The following DNM3 variants were observed in gnomAD, a reference collection of about 807,000 sequenced individuals.
The protein encoded by DNM3 is dynamin-3.
Under a neutral mutation model 101.6 loss-of-function variants are expected in DNM3, and 47 were observed. The ratio of observed to expected loss-of-function variants is 0.46; its 90% CI spans 0.37 to 0.59. The LOEUF is 0.59. DNM3 is among the 20% of genes least tolerant of loss of function. The pLI, the probability that DNM3 is intolerant of heterozygous loss-of-function variation, is 0.00. For missense variants in DNM3, 849 were observed against 1,085.7 expected (o/e 0.78, Z 3.06); for synonymous variants, 385 against 387.9 (o/e 0.99, Z 0.09).
chr1:172,227,866 T>A (rs78941801), intron 14 of DNM3, among the ~76,000 whole-genome samples: 6 of 152,158 alleles, frequency 3.9e-5, no homozygotes, highest in Non-Finnish European at 7.4e-5. Context: ...ATAGTGGATA[T>A]TATTAGTCTA....
intron 1 of DNM3, among the ~76,000 whole-genome samples, chr1:171,909,504 G>A (rs1002287829): frequency 2.0e-5 from 3 of 151,650 alleles, no homozygotes; most frequent in Non-Finnish European, 2.9e-5. Context: ...GGCATCAGAA[G>A]ACACTCTTTA....
chr1:172,232,100 G>T (rs1301583063), intron 14 of DNM3, among the ~76,000 whole-genome samples: 1 of 152,074 alleles, frequency 6.6e-6, no homozygotes, highest in Non-Finnish European at 1.5e-5. Context: ...CTGGCAAATT[G>T]GATAAAGAGT....
intron 14 of DNM3, among the ~76,000 whole-genome samples, chr1:172,231,636 A>G (rs911054657): frequency 4.6e-5 from 7 of 152,206 alleles, no homozygotes; most frequent in African/African-American, 7.2e-5. Flanking sequence ...TCAGATGATC[A>G]AACTTCTGCG....
intron 17 of DNM3, among the ~76,000 whole-genome samples, chr1:172,350,279 A>G (rs533150662): frequency 4.1e-4 from 62 of 151,838 alleles, no homozygotes; most frequent in African/African-American, 1.4e-3. Flanking sequence ...ATAACATTGC[A>G]AAGTTGCTCA....
intron 14 of DNM3, among the ~76,000 whole-genome samples, chr1:172,195,470 G>T (rs1304314716): frequency 6.6e-6 from 1 of 151,792 alleles, no homozygotes; most frequent in East Asian, 1.9e-4. Context: ...TTGAATGGGA[G>T]TTGTGAGAGG....
At chr1:172,060,055 GACAA>G (rs2051038472) in intron 10 of DNM3, among the ~76,000 whole-genome samples, 1 of 151,990 alleles carries the variant, frequency 6.6e-6, no homozygotes, top group Non-Finnish European at 1.5e-5. Context: ...ACCAACAATC[GACAA>G]ACAGAGAGCT....
intron 1 of DNM3, among the ~76,000 whole-genome samples, chr1:171,885,967 G>C (rs1214636209): frequency 1.3e-5 from 2 of 152,102 alleles, no homozygotes; most frequent in Admixed American, 6.6e-5. Context: ...AGATGTTGAC[G>C]GGCCTTAGGC....
intron 2 of DNM3, among the ~76,000 whole-genome samples, chr1:171,966,569 G>T (rs370659759): frequency 6.6e-6 from 1 of 152,210 alleles, no homozygotes; most frequent in South Asian, 2.1e-4. Flanking sequence ...CATCGACCCA[G>T]GGTATTCTCC....
At chr1:172,373,822 T>C (rs2068472624) in intron 17 of DNM3, among the ~76,000 whole-genome samples, 1 of 152,090 alleles carries the variant, frequency 6.6e-6, no homozygotes, top group Non-Finnish European at 1.5e-5. Context: ...ACTCCAAGAA[T>C]ATAGATCTTT....
chr1:172,353,786 A>T (rs2067300604), intron 17 of DNM3, among the ~76,000 whole-genome samples: 1 of 152,196 alleles, frequency 6.6e-6, no homozygotes, highest in African/African-American at 2.4e-5. Flanking sequence ...GTTCAAAACA[A>T]ACTATATAAG....
rs2071172004 is a variant in DNM3, at chr1:172,410,992, G to T, written c.*3151G>T. On this transcript the variant is annotated 3_prime_UTR_variant, in exon 21 of 21. Coordinates refer to ENST00000627582, the MANE Select transcript of DNM3 (RefSeq NM_015569.5). ...CTAGTAAGTATGTTTCTGTAAGTAT[G>T]TGTATTTTATGTCCATTTGAGTAGG... 1 of 985,056 alleles carries T rather than the reference G, an allele frequency of 1.0e-6. No homozygotes were observed. Among genetic ancestry groups the T allele is most frequent in the Admixed American group, 6.2e-5 (1 of 16,242 alleles). The allele number at this position is 985,056 out of a possible 1,614,324, so 61.0% of individuals were successfully genotyped here. A position where few individuals can be genotyped will look rare whatever the true frequency, so the allele number is the denominator to read the frequency against.
At chr1:171,886,834 A>G (rs1173060391) in intron 1 of DNM3, among the ~76,000 whole-genome samples, 1 of 152,204 alleles carries the variant, frequency 6.6e-6, no homozygotes, top group Non-Finnish European at 1.5e-5. Flanking sequence ...TTTCCAATGC[A>G]CACAGCTCTC....
chr1:172,367,008 A>G (rs901458466), intron 17 of DNM3, among the ~76,000 whole-genome samples: 2 of 151,746 alleles, frequency 1.3e-5, no homozygotes, highest in Non-Finnish European at 2.9e-5. Flanking sequence ...GAAACTCAAA[A>G]CCCCAAATAT....
At chr1:172,247,610 G>A (rs2062002883) in intron 14 of DNM3, among the ~76,000 whole-genome samples, 2 of 151,506 alleles carry the variant, frequency 1.3e-5, no homozygotes, top group Admixed American at 1.3e-4. Context: ...GCCATTAGCG[G>A]CTTTTTCGTA....
intron 1 of DNM3, among the ~76,000 whole-genome samples, chr1:171,866,901 A>G (rs997959232): frequency 6.6e-6 from 1 of 152,202 alleles, no homozygotes; most frequent in African/African-American, 2.4e-5. Context: ...CTGAGATGAC[A>G]TAGATCATGT....
chr1:171,990,877 C>T (rs1378128568), intron 4 of DNM3, among the ~76,000 whole-genome samples: 1 of 152,092 alleles, frequency 6.6e-6, no homozygotes, highest in Non-Finnish European at 1.5e-5. Context: ...ACCAGGACTC[C>T]CTTTACAGCG....
intron 4 of DNM3, among the ~76,000 whole-genome samples, chr1:172,011,657 A>G (rs2047134561): frequency 2.6e-5 from 4 of 152,034 alleles, no homozygotes. Context: ...AGAAACAGAG[A>G]TTTCCAAACC....
intron 14 of DNM3, among the ~76,000 whole-genome samples, chr1:172,146,810 A>G (rs1004352723): frequency 2.0e-5 from 3 of 152,266 alleles, no homozygotes; most frequent in East Asian, 3.9e-4. Flanking sequence ...TCCATAAGAC[A>G]TGCCTTGGAA....
intron 14 of DNM3, among the ~76,000 whole-genome samples, chr1:172,218,906 G>T (rs914597652): frequency 6.6e-6 from 1 of 152,136 alleles, no homozygotes; most frequent in Non-Finnish European, 1.5e-5. Context: ...TGGAGCGGGA[G>T]ACTTGCTTCT....
Sources: gnomAD v4.1 joint callset for allele counts (sites outside exome capture counted in the v4.1 genomes callset) on GRCh38, gnomAD v4.1.1 for gene constraint, MANE v1.5 for transcripts, NCBI Gene and HGNC (gene_info 2026-07-23, HGNC 2026-07-21) for gene names.